WDR25: variants seen among roughly 807,000 people sequenced by gnomAD.
The protein encoded by WDR25 is WD repeat domain 25.
Under a neutral mutation model 47.7 loss-of-function variants are expected in WDR25, and 35 were observed. That is an observed-to-expected ratio of 0.73 (90% CI 0.56 to 0.97). The LOEUF is 0.97. WDR25 is among the 50% of genes least tolerant of loss of function. The pLI is 0.00. For synonymous variants in WDR25, 248 were observed against 278.9 expected, an observed-to-expected ratio of 0.89 and a Z score of 1.10; for missense variants, 634 against 704.7, an observed-to-expected ratio of 0.90 and a Z score of 1.14.
intron 2 of WDR25, among the ~76,000 whole-genome samples, chr14:100,421,824 A>G (rs905697259): frequency 6.6e-6 from 1 of 152,136 alleles, no homozygotes; most frequent in African/African-American, 2.4e-5. Context: ...GTTTTTTGCA[A>G]TTTGCAAAAC....
chr14:100,431,833 C>G (rs1168728749), intron 2 of WDR25, among the ~76,000 whole-genome samples: 3 of 152,110 alleles, frequency 2.0e-5, no homozygotes, highest in African/African-American at 7.2e-5. Flanking sequence ...CCTCAGCCTC[C>G]CAAGTAGCTA....
chr14:100,405,481 C>T (rs1477876251), intron 2 of WDR25, among the ~76,000 whole-genome samples: 2 of 152,210 alleles, frequency 1.3e-5, no homozygotes, highest in Non-Finnish European at 2.9e-5. Context: ...ATCTTATAGG[C>T]ACCCTGGGGC....
intron 4 of WDR25, among the ~76,000 whole-genome samples, chr14:100,496,064 C>T (rs1900719677): frequency 6.6e-6 from 1 of 152,168 alleles, no homozygotes; most frequent in African/African-American, 2.4e-5. Flanking sequence ...TTTTATATTC[C>T]CACCAACAAT....
At chr14:100,444,165 A>T (rs1010867258) in intron 2 of WDR25, among the ~76,000 whole-genome samples, 1 of 152,210 alleles carries the variant, frequency 6.6e-6, no homozygotes, top group South Asian at 2.1e-4. Context: ...GAGAAGGACT[A>T]AGTTGTGTCT....
At chr14:100,378,699 C>T (rs1353119521) in intron 1 of WDR25, among the ~76,000 whole-genome samples, 1 of 25,454 alleles carries the variant, frequency 3.9e-5, no homozygotes, top group African/African-American at 7.6e-5. Context: ...TGGCTCACGC[C>T]TGTAATCCCA....
chr14:100,455,735 C>T (rs895070584), intron 2 of WDR25, among the ~76,000 whole-genome samples: 5 of 152,122 alleles, frequency 3.3e-5, no homozygotes, highest in Non-Finnish European at 7.3e-5. Flanking sequence ...AGTCTAGAGA[C>T]AATGGAATGG....
intron 2 of WDR25, among the ~76,000 whole-genome samples, chr14:100,397,871 C>T (rs1897294418): frequency 6.6e-6 from 1 of 152,218 alleles, no homozygotes; most frequent in Non-Finnish European, 1.5e-5. Flanking sequence ...CGGAGTCTTG[C>T]TCTGTCGCCT....
intron 2 of WDR25, among the ~76,000 whole-genome samples, chr14:100,431,177 T>G (rs1307447883): frequency 6.6e-6 from 1 of 152,202 alleles, no homozygotes; most frequent in African/African-American, 2.4e-5. Context: ...ATGAATTGAT[T>G]TGAGTATCTG....
intron 4 of WDR25, among the ~76,000 whole-genome samples, chr14:100,497,320 G>A (rs1900764610): frequency 6.6e-6 from 1 of 152,160 alleles, no homozygotes; most frequent in Non-Finnish European, 1.5e-5. Context: ...ACTGAGAGAG[G>A]AGTGTTGACA....
intron 2 of WDR25, among the ~76,000 whole-genome samples, chr14:100,402,083 C>T (rs1897396834): frequency 6.6e-6 from 1 of 152,176 alleles, no homozygotes; most frequent in African/African-American, 2.4e-5. Context: ...GTTTTCTGAA[C>T]CTTTCTTTAT....
chr14:100,492,032 C>A (rs935994544), intron 4 of WDR25, among the ~76,000 whole-genome samples: 2 of 152,186 alleles, frequency 1.3e-5, no homozygotes, highest in African/African-American at 4.8e-5. Context: ...AGGAAGAGGA[C>A]GCATTTCATT....
At chr14:100,471,609 G>C (rs892686304) in intron 3 of WDR25, among the ~76,000 whole-genome samples, 2 of 152,206 alleles carry the variant, frequency 1.3e-5, no homozygotes, top group African/African-American at 4.8e-5. Context: ...TCCCTGCCAG[G>C]AGAAGGCAGT....
chr14:100,380,965 C>G lies in WDR25; in HGVS notation c.41C>G (p.Ala14Gly). 1.2e-6 allele frequency: 2 copies of G among 1,614,144 alleles called. No homozygotes were observed. Among genetic ancestry groups the G allele is most frequent in the African/African-American group, 1.3e-5 (1 of 75,044 alleles). ...CTGTCTTTAATGGCTTCATTGGTAGCGTATGATGATTCGGACTCGGAGGCT... is the reference window on the plus strand; with the variant it reads ...CTGTCTTTAATGGCTTCATTGGTAGGGTATGATGATTCGGACTCGGAGGCT... ...RTLSLMASLV[A>G]YDDSDSEAET... Residue 14 changes from alanine (A) to glycine (G), a missense_variant, in exon 2 of 7, where the codon GCG becomes GGG. By Grantham distance (60) the Ala-to-Gly change is moderately conservative. Coordinates refer to ENST00000402312, the MANE Select transcript of WDR25 (RefSeq NM_001161476.3).
chr14:100,397,088 C>T (rs545111974), intron 2 of WDR25, among the ~76,000 whole-genome samples: 5 of 152,350 alleles, frequency 3.3e-5, no homozygotes, highest in African/African-American at 1.2e-4. Flanking sequence ...TCCATACTGA[C>T]GTTGTCAAGT....
chr14:100,460,686 G>A (rs919878585), intron 2 of WDR25, among the ~76,000 whole-genome samples: 1 of 151,962 alleles, frequency 6.6e-6, no homozygotes, highest in Non-Finnish European at 1.5e-5. Flanking sequence ...AGAAATAGAA[G>A]AGAACTCCTT....
At chr14:100,511,008 G>T (rs1435626492) in intron 4 of WDR25, among the ~76,000 whole-genome samples, 1 of 151,968 alleles carries the variant, frequency 6.6e-6, no homozygotes, top group Non-Finnish European at 1.5e-5. Flanking sequence ...TCTGACTACT[G>T]TAGGTTCTTT....
chr14:100,383,592 T>A (rs1220555563), intron 2 of WDR25, among the ~76,000 whole-genome samples: 1 of 152,278 alleles, frequency 6.6e-6, no homozygotes, highest in Non-Finnish European at 1.5e-5. Context: ...GGGACTGGCC[T>A]TCGCCTGGTG....
intron 4 of WDR25, among the ~76,000 whole-genome samples, chr14:100,519,255 AT>A (rs1901614627): frequency 6.8e-6 from 1 of 146,884 alleles, no homozygotes; most frequent in African/African-American, 2.7e-5. Flanking sequence ...TGTGTGTGTA[AT>A]TTATAGGGGG....
intron 4 of WDR25, among the ~76,000 whole-genome samples, chr14:100,515,193 A>G (rs1422262078): frequency 4.6e-5 from 7 of 152,064 alleles, no homozygotes; most frequent in Non-Finnish European, 8.8e-5. Flanking sequence ...ATTTTTCTCT[A>G]TGTTTCTTAG....
Sources: allele counts gnomAD v4.1 joint callset (sites outside exome capture counted in the v4.1 genomes callset), GRCh38; gene constraint gnomAD v4.1.1; transcripts MANE v1.5; gene names NCBI Gene and HGNC (gene_info 2026-07-23, HGNC 2026-07-21).